Variants in ECHDC1 observed in about 807,000 individuals in gnomAD.
The protein encoded by ECHDC1 is ethylmalonyl-CoA decarboxylase.
A neutral mutation model predicts 29.7 loss-of-function variants in ECHDC1; 29 were observed. That is an observed-to-expected ratio of 0.98 (90% CI 0.73 to 1.33). The LOEUF (loss-of-function observed/expected upper bound fraction) is 1.33, where lower values mean the gene tolerates loss of function less well. ECHDC1 is among the 40% of genes most tolerant of loss of function. ECHDC1 has a pLI of 0.00. For missense variants in ECHDC1, 328 were observed against 350.0 expected (o/e 0.94, Z 0.50); for synonymous variants, 126 against 123.1 (o/e 1.02, Z -0.15).
At chr6:127,307,648 G>GAAAAAAAAAAAAAAAAAAAA (rs71024770) in intron 5 of ECHDC1, among the ~76,000 whole-genome samples, 39 of 48,416 alleles carry the variant, frequency 8.1e-4, no homozygotes, top group Non-Finnish European at 1.1e-3. Context: ...CTCTGTCTCA[G>GAAAAAAAAAAAAAAAAAAAA]AAAAAAAAAA....
chr6:127,301,774 C>A (rs908507442), intron 5 of ECHDC1, among the ~76,000 whole-genome samples: 1 of 152,164 alleles, frequency 6.6e-6, no homozygotes, highest in African/African-American at 2.4e-5. Context: ...GGTCAAGGAT[C>A]AATTTCTTCT....
intron 5 of ECHDC1, among the ~76,000 whole-genome samples, chr6:127,293,546 C>T (rs1222165230): frequency 6.6e-6 from 1 of 152,132 alleles, no homozygotes; most frequent in Non-Finnish European, 1.5e-5. Flanking sequence ...TAGGAAGTTA[C>T]TTAACATCTC....
At chr6:127,293,621 T>C (rs1780367391) in intron 5 of ECHDC1, among the ~76,000 whole-genome samples, 2 of 152,196 alleles carry the variant, frequency 1.3e-5, no homozygotes, top group Admixed American at 1.3e-4. Context: ...AGAGTGTGTC[T>C]GTATGTTTTA....
At chr6:127,318,337 T>C (rs1365351178) in intron 3 of ECHDC1, among the ~76,000 whole-genome samples, 1 of 152,212 alleles carries the variant, frequency 6.6e-6, no homozygotes, top group Non-Finnish European at 1.5e-5. Flanking sequence ...CAAGATTTTC[T>C]AAATCTCACA....
chr6:127,334,773 AT>A (rs1049584337), intron 1 of ECHDC1, among the ~76,000 whole-genome samples: 9 of 152,054 alleles, frequency 5.9e-5, no homozygotes, highest in Admixed American at 2.0e-4. Context: ...CTGAATTTCT[AT>A]ATTTCCACCT....
intron 4 of ECHDC1, chr6:127,315,099 G>C (rs1430355075): frequency 4.1e-5 from 28 of 686,962 alleles, no homozygotes; most frequent in Non-Finnish European, 1.1e-5. Context: ...ACATACAATA[G>C]TTCACAATAA....
intron 2 of ECHDC1, among the ~76,000 whole-genome samples, chr6:127,329,105 G>A (rs913170691): frequency 6.6e-6 from 1 of 151,916 alleles, no homozygotes; most frequent in Non-Finnish European, 1.5e-5. Flanking sequence ...CCTTTCCTAT[G>A]GTGCTGATTT....
At chr6:127,328,332 TGTA>T (rs1562328973) in intron 2 of ECHDC1, among the ~76,000 whole-genome samples, 4 of 152,342 alleles carry the variant, frequency 2.6e-5, no homozygotes, top group African/African-American at 9.6e-5. Flanking sequence ...GCCATTGTAA[TGTA>T]GTACAATGAA....
intron 5 of ECHDC1, 94 bp downstream of exon 5, chr6:127,314,722 T>G (rs1782216218): frequency 1.1e-6 from 1 of 890,388 alleles, no homozygotes; most frequent in African/African-American, 1.7e-5. Context: ...GTTTATCCTA[T>G]TTAAGAATAT....
intron 5 of ECHDC1, among the ~76,000 whole-genome samples, chr6:127,313,830 G>A (rs1329934694): frequency 6.6e-6 from 1 of 152,168 alleles, no homozygotes; most frequent in Non-Finnish European, 1.5e-5. Context: ...ACAATATTAT[G>A]TGAATATTGA....
At position 127,289,818 on chromosome 6, in the gene ECHDC1, A is replaced by C; in HGVS notation, c.*51T>G. The C allele has an allele frequency of 6.7e-7, 1 of 1,485,330 alleles. No individual in the cohort carries two copies. The highest frequency in any genetic ancestry group is 9.1e-7 in the Non-Finnish European group (1 of 1,100,290). 92.0% of individuals were successfully genotyped at this position (1,485,330 alleles called of 1,614,324 possible). A position where few individuals can be genotyped will look rare whatever the true frequency, so the allele number is the denominator to read the frequency against. On this transcript the variant is annotated 3_prime_UTR_variant, in exon 6 of 6. Transcript: ENST00000454859. ...ATATTTAATATCATTTAACATTTAT[A>C]CATATTAGTCACTGGAGCTTTACTT...
intron 5 of ECHDC1, among the ~76,000 whole-genome samples, chr6:127,308,033 A>G (rs184140407): frequency 6.6e-6 from 1 of 152,254 alleles, no homozygotes; most frequent in African/African-American, 2.4e-5. Flanking sequence ...CCCAGGATGC[A>G]ATGGCTTCAT....
chr6:127,312,033 T>G (rs1042015894), intron 5 of ECHDC1, among the ~76,000 whole-genome samples: 49 of 141,574 alleles, frequency 3.5e-4, no homozygotes, highest in African/African-American at 1.2e-3. Flanking sequence ...AATTCAAATT[T>G]CTGCTCTTCC....
At chr6:127,333,862 T>G (rs1291123046) in intron 1 of ECHDC1, among the ~76,000 whole-genome samples, 1 of 152,176 alleles carries the variant, frequency 6.6e-6, no homozygotes, top group Non-Finnish European at 1.5e-5. Flanking sequence ...TTCTTTGTTT[T>G]TTCTATTTTA....
intron 5 of ECHDC1, among the ~76,000 whole-genome samples, chr6:127,296,454 CA>C (rs1160036984): frequency 1.3e-5 from 2 of 152,126 alleles, no homozygotes; most frequent in East Asian, 3.9e-4. Context: ...CGGCCTCCCA[CA>C]GTGGACCATG....
chr6:127,302,204 C>A (rs1195231332), intron 5 of ECHDC1, among the ~76,000 whole-genome samples: 2 of 152,016 alleles, frequency 1.3e-5, no homozygotes, highest in African/African-American at 2.4e-5. Context: ...TTGTCCTAAA[C>A]CCTAACTACA....
At chr6:127,299,816 G>A (rs1780916836) in intron 5 of ECHDC1, among the ~76,000 whole-genome samples, 2 of 152,022 alleles carry the variant, frequency 1.3e-5, no homozygotes, top group African/African-American at 4.8e-5. Context: ...CTGCAAGCTC[G>A]ATTCACCATA....
chr6:127,310,440 C>T (rs1384397967), intron 5 of ECHDC1, among the ~76,000 whole-genome samples: 2 of 151,796 alleles, frequency 1.3e-5, no homozygotes, highest in Non-Finnish European at 1.5e-5. Context: ...GCTTTCAACC[C>T]TCAGGAAGAT....
At position 127,316,486 on chromosome 6, in the gene ECHDC1, C is replaced by G; in HGVS notation, c.380G>C (p.Cys127Ser). 1 of 1,604,020 alleles carries G rather than the reference C, an allele frequency of 6.2e-7. No individual in the cohort carries two copies. Among genetic ancestry groups the G allele is most frequent in the Non-Finnish European group, 8.5e-7 (1 of 1,175,776 alleles). The change falls in exon 4 of 6, where the codon TGC (cysteine) becomes TCC (serine). Residue 127 changes from cysteine (C) to serine (S), a missense_variant. Transcript: ENST00000454859. ...TGTTAAGGTGTTTTGCATGAACATG[C>G]ATACGGCCATTCCATCCTTTAAATA... is the stretch of plus-strand genomic sequence containing the variant. ...LGTPEDGMAV[C>S]MFMQNTLTRF...
Sources: gnomAD v4.1 joint callset for allele counts (sites outside exome capture counted in the v4.1 genomes callset) on GRCh38, gnomAD v4.1.1 for gene constraint, MANE v1.5 for transcripts, NCBI Gene and HGNC (gene_info 2026-07-23, HGNC 2026-07-21) for gene names.